ZNF420: variants seen among roughly 807,000 people sequenced by gnomAD.
ZNF420 encodes the protein ATM and p53-associated KZNF protein.
Under a neutral mutation model 44.7 loss-of-function variants are expected in ZNF420, and 31 were observed. That is an observed-to-expected ratio of 0.69 (90% confidence interval 0.52 to 0.94). The LOEUF (loss-of-function observed/expected upper bound fraction) is 0.94, where lower values mean the gene tolerates loss of function less well. Ranked by LOEUF, ZNF420 falls within the 40% of genes least tolerant of loss-of-function variation. The pLI is 0.00. For missense variants in ZNF420, 681 were observed against 827.9 expected, an observed-to-expected ratio of 0.82 and a Z score of 2.18; for synonymous variants, 245 against 267.4, an observed-to-expected ratio of 0.92 and a Z score of 0.82.
At chr19:37,054,496 G>T (rs2052351255) in intron 1 of ZNF420, among the ~76,000 whole-genome samples, 1 of 152,152 alleles carries the variant, frequency 6.6e-6, no homozygotes, top group South Asian at 2.1e-4. Flanking sequence ...AGCCATCTTG[G>T]CTCCACCGAA....
At chr19:37,009,684 G>C (rs907113082) in intron 1 of ZNF420, among the ~76,000 whole-genome samples, 3 of 152,216 alleles carry the variant, frequency 2.0e-5, no homozygotes, top group African/African-American at 4.8e-5. Flanking sequence ...ATGTTTCAGT[G>C]AATTTTCAGC....
chr19:37,032,998 A>G (rs559198518), intron 1 of ZNF420, among the ~76,000 whole-genome samples: 41 of 152,352 alleles, frequency 2.7e-4, no homozygotes, highest in African/African-American at 9.9e-4. Flanking sequence ...AGTTTATTTT[A>G]TGAACTAGCC....
chr19:37,093,867 A>G (rs1969293478), intron 4 of ZNF420, among the ~76,000 whole-genome samples: 1 of 152,178 alleles, frequency 6.6e-6, no homozygotes. Flanking sequence ...AGTGACTGCT[A>G]ATGAACACAG....
At chr19:37,059,211 G>A (rs1228030791) in intron 1 of ZNF420, among the ~76,000 whole-genome samples, 7 of 152,186 alleles carry the variant, frequency 4.6e-5, no homozygotes, top group Non-Finnish European at 1.0e-4. Flanking sequence ...GACGCCCGCG[G>A]CCCCCTCTCC....
intron 1 of ZNF420, among the ~76,000 whole-genome samples, chr19:37,027,575 A>G (rs1967180186): frequency 6.6e-6 from 1 of 152,160 alleles, no homozygotes; most frequent in East Asian, 1.9e-4. Flanking sequence ...CCACCTATTC[A>G]TCCTTCCCTC....
chr19:37,037,003 A>T (rs1036841002), intron 1 of ZNF420, among the ~76,000 whole-genome samples: 7 of 152,174 alleles, frequency 4.6e-5, no homozygotes, highest in African/African-American at 1.7e-4. Flanking sequence ...CCCAGGCCAA[A>T]CTTTTCCCTT....
At chr19:37,102,876 AT>A (rs901822251) in intron 4 of ZNF420, among the ~76,000 whole-genome samples, 22 of 152,030 alleles carry the variant, frequency 1.4e-4, no homozygotes, top group African/African-American at 5.1e-4. Flanking sequence ...GCTAAATCTA[AT>A]TTTTTTCTAC....
At chr19:37,010,295 C>T (rs911854167) in intron 1 of ZNF420, among the ~76,000 whole-genome samples, 2 of 152,168 alleles carry the variant, frequency 1.3e-5, no homozygotes, top group Non-Finnish European at 1.5e-5. Context: ...CGGAAAATGG[C>T]AGAAGCAGTG....
chr19:37,054,080 C>T (rs532936736), intron 1 of ZNF420, among the ~76,000 whole-genome samples: 2 of 152,290 alleles, frequency 1.3e-5, no homozygotes, highest in South Asian at 4.1e-4. Flanking sequence ...CCCCCAGCCT[C>T]GCCGCCCCCT....
chr19:37,026,323 CTTT>C (rs74174444), intron 1 of ZNF420, among the ~76,000 whole-genome samples: 3 of 138,160 alleles, frequency 2.2e-5, no homozygotes, highest in African/African-American at 2.7e-5. Context: ...ATGCCCGGCT[CTTT>C]TTTTTTTTTT....
At chr19:37,025,740 CT>C (rs1027713465) in intron 1 of ZNF420, among the ~76,000 whole-genome samples, 1 of 149,180 alleles carries the variant, frequency 6.7e-6, no homozygotes, top group Non-Finnish European at 1.5e-5. Context: ...CAGGATACCA[CT>C]TAATTTATGC....
At chr19:37,010,363 G>GC (rs1182104269) in intron 1 of ZNF420, among the ~76,000 whole-genome samples, 7 of 152,074 alleles carry the variant, frequency 4.6e-5, no homozygotes, top group Non-Finnish European at 1.0e-4. Flanking sequence ...CAAAAGTCAT[G>GC]CCCCCCGTGA....
chr19:37,114,269 G>C (rs1053835355), intron 4 of ZNF420, among the ~76,000 whole-genome samples: 1 of 152,148 alleles, frequency 6.6e-6, no homozygotes, highest in Non-Finnish European at 1.5e-5. Flanking sequence ...TGTGGTGCTG[G>C]AAACATTCCT....
intron 3 of ZNF420, among the ~76,000 whole-genome samples, chr19:37,090,784 G>C (rs1969088245): frequency 6.6e-6 from 1 of 151,978 alleles, no homozygotes. Flanking sequence ...ACTGGGCGCA[G>C]TGGCAGGTGC....
chr19:37,033,238 C>T (rs1967294763), intron 1 of ZNF420, among the ~76,000 whole-genome samples: 3 of 152,186 alleles, frequency 2.0e-5, no homozygotes, highest in Admixed American at 2.0e-4. Flanking sequence ...ATTTTAAGTG[C>T]ATAGTTCAGT....
chr19:37,094,900 A>G (rs1969348857), intron 4 of ZNF420, among the ~76,000 whole-genome samples: 1 of 152,160 alleles, frequency 6.6e-6, no homozygotes, highest in Non-Finnish European at 1.5e-5. Flanking sequence ...TGGGAGGCTG[A>G]GGCGGGCAGA....
At chr19:37,122,759 A>G (rs1306667184) in intron 4 of ZNF420, among the ~76,000 whole-genome samples, 3 of 151,998 alleles carry the variant, frequency 2.0e-5, no homozygotes, top group Non-Finnish European at 1.5e-5. Context: ...TCAATCCTCA[A>G]ACTTCCCTTT....
chr19:37,055,268 C>G (rs1202513928), intron 1 of ZNF420, among the ~76,000 whole-genome samples: 1 of 152,206 alleles, frequency 6.6e-6, no homozygotes, highest in Non-Finnish European at 1.5e-5. Context: ...TGCCTGTAGT[C>G]CCAGCTATGT....
intron 1 of ZNF420, among the ~76,000 whole-genome samples, chr19:37,026,762 A>T (rs1022774384): frequency 1.3e-5 from 2 of 152,212 alleles, no homozygotes; most frequent in African/African-American, 4.8e-5. Flanking sequence ...ACGCCTGGCT[A>T]AAAAAACCAA....
Sources: allele counts gnomAD v4.1 joint callset (sites outside exome capture counted in the v4.1 genomes callset), GRCh38; gene constraint gnomAD v4.1.1; transcripts MANE v1.5; gene names NCBI Gene and HGNC (gene_info 2026-07-23, HGNC 2026-07-21).